The following PTPA variants were observed in gnomAD, a reference collection of about 807,000 sequenced individuals.
PTPA encodes the protein protein phosphatase 2 phosphatase activator.
PTPA carries 13 observed loss-of-function variants against 43.6 expected under a neutral mutation model. The ratio of observed to expected loss-of-function variants is 0.30; its 90% CI spans 0.19 to 0.47. The LOEUF is 0.47. Ranked by LOEUF, PTPA falls within the 20% of genes least tolerant of loss-of-function variation. The pLI is 0.99. For missense variants in PTPA, 329 were observed against 411.9 expected, an observed-to-expected ratio of 0.80 and a Z score of 1.74; for synonymous variants, 172 against 158.2, an observed-to-expected ratio of 1.09 and a Z score of -0.66.
At chr9:129,117,602 G>A (rs556935506) in intron 1 of PTPA, among the ~76,000 whole-genome samples, 6 of 150,368 alleles carry the variant, frequency 4.0e-5, no homozygotes, top group South Asian at 4.2e-4. Context: ...GTGGAATTTC[G>A]CTATGTTGGC....
chr9:129,112,756 A>G (rs914676647), intron 1 of PTPA, among the ~76,000 whole-genome samples: 2 of 152,202 alleles, frequency 1.3e-5, no homozygotes, highest in Admixed American at 1.3e-4. Context: ...AGCCTGACCA[A>G]CATGGAGAAA....
At chr9:129,125,214 C>T (rs1002700867) in intron 3 of PTPA, among the ~76,000 whole-genome samples, 2 of 151,836 alleles carry the variant, frequency 1.3e-5, no homozygotes, top group Non-Finnish European at 2.9e-5. Flanking sequence ...GCCAAGTCCC[C>T]TAATTGCCCG....
rs1233840469 is a variant in PTPA at position 129,142,469 on chromosome 9, C to T, written c.811C>T (p.His271Tyr). The change falls in exon 9 of 10, where the codon CAC (histidine) becomes TAC (tyrosine). Residue 271 changes from histidine to tyrosine, a missense_variant. By Grantham distance (83) the His-to-Tyr change is moderately conservative. Coordinates refer to ENST00000393370, the MANE Select transcript of PTPA (RefSeq NM_178000.3). Reference sequence around the variant, plus strand: ...GATGAAGACTGGCCCATTTGCAGAGCACTCCAACCAGCTGTGGAACATCAG... The same window carrying T: ...GATGAAGACTGGCCCATTTGCAGAGTACTCCAACCAGCTGTGGAACATCAG... ...TEMKTGPFAEHSNQLWNISAV... is the reference protein window; with the variant it reads ...TEMKTGPFAEYSNQLWNISAV... 1 of 1,596,878 alleles carries T rather than the reference C, an allele frequency of 6.3e-7. No homozygotes were observed.
intron 1 of PTPA, 120 bp downstream of exon 1, chr9:129,111,751 G>A (rs1261471506): frequency 4.8e-6 from 6 of 1,238,194 alleles, no homozygotes; most frequent in Non-Finnish European, 6.1e-6. Flanking sequence ...AAAGCTGAGG[G>A]GCCCCGAGGA....
At chr9:129,121,194 C>T (rs1262919178) in intron 2 of PTPA, among the ~76,000 whole-genome samples, 1 of 152,212 alleles carries the variant, frequency 6.6e-6, no homozygotes, top group Non-Finnish European at 1.5e-5. Context: ...TTCAATTTCT[C>T]AGGGAAGGCC....
intron 6 of PTPA, among the ~76,000 whole-genome samples, chr9:129,135,177 G>A (rs3118630): frequency 0.28 from 43,176 of 152,176 alleles, 6,165 homozygotes; most frequent in Admixed American, 0.33. Context: ...GGCGGATCAC[G>A]AGGTCAGGTG....
chr9:129,110,990 G>C (rs758463905), upstream of PTPA: 7 of 1,371,514 alleles, frequency 5.1e-6, no homozygotes, highest in Non-Finnish European at 1.9e-6. This position sits in a 1 kb window ranked among gnomAD's most constrained non-coding sequence, Gnocchi z 5.3. Context: ...TCACCGTCCA[G>C]CTGTCTCTCC....
rs199795059 is a variant in PTPA at position 129,122,046 on chromosome 9, A to G, written c.130-1006A>G. ...GAGGAAAAAGGGATGAAGAAGAAAC[A>G]AAACCAATCAGGAGTCACTTGTTCC... is the stretch of plus-strand genomic sequence containing the variant. On this transcript the variant is annotated intron_variant, in intron 2 of 9. Transcript: ENST00000393370. Among the ~76,000 whole-genome samples the G allele has an allele frequency of 3.9e-5, 6 of 152,198 alleles. No individual in the cohort carries two copies. In the East Asian group the frequency reaches 9.6e-4, roughly 24 times the overall value.
chr9:129,128,124 T>C, intron 3 of PTPA: 1 of 1,188,610 alleles, frequency 8.4e-7, no homozygotes, highest in South Asian at 1.3e-5. Flanking sequence ...TCAGAGTTAG[T>C]CACTTGCTCA....
At chr9:129,143,307 G>A (rs1851033900) in intron 9 of PTPA, 4 of 702,932 alleles carry the variant, frequency 5.7e-6, no homozygotes, top group Non-Finnish European at 7.8e-6. Flanking sequence ...CTTGGCCAGG[G>A]AAGGGCTGGA....
intron 1 of PTPA, 133 bp downstream of exon 1, chr9:129,111,764 G>T: frequency 8.1e-7 from 1 of 1,235,104 alleles, no homozygotes; most frequent in Non-Finnish European, 1.0e-6. Flanking sequence ...CCCGAGGAGG[G>T]ACTGAGTTGA....
At chr9:129,138,438 C>CGACT (rs2131607369) in intron 8 of PTPA, among the ~76,000 whole-genome samples, 1 of 152,324 alleles carries the variant, frequency 6.6e-6, no homozygotes, top group East Asian at 1.9e-4. Context: ...ACGTGCCAGG[C>CGACT]GACTGCACAG....
chr9:129,122,348 C>T (rs1445414355), intron 2 of PTPA, among the ~76,000 whole-genome samples: 1 of 152,166 alleles, frequency 6.6e-6, no homozygotes, highest in Non-Finnish European at 1.5e-5. Context: ...AGTGATCCTC[C>T]TGCATCAGCC....
rs1232524572 is a variant in PTPA at position 129,148,619 on chromosome 9, G to T, written c.*1155G>T. ...GGGCCACCGCCGAGGTTTCTCCTAG[G>T]GCTGTTCCTGGGCCTGGCTCTTACA... is the stretch of plus-strand genomic sequence containing the variant. On this transcript the variant is annotated 3_prime_UTR_variant, in exon 10 of 10. Transcript: ENST00000393370. 6.5e-6 allele frequency: 1 copy of T among 152,776 alleles called. No homozygotes were observed. Among genetic ancestry groups the T allele is most frequent in the Non-Finnish European group, 1.5e-5 (1 of 68,140 alleles). 9.5% of individuals were successfully genotyped at this position (152,776 alleles called of 1,614,324 possible).
chr9:129,111,706 G>A (rs1430693273), intron 1 of PTPA, 75 bp downstream of exon 1: 1 of 1,247,118 alleles, frequency 8.0e-7, no homozygotes, highest in Non-Finnish European at 1.0e-6. Flanking sequence ...GGCTCAGGAG[G>A]GCGAGAGTCA....
intron 9 of PTPA, 161 bp downstream of exon 9, chr9:129,142,713 C>T (rs1186349334): frequency 1.2e-5 from 18 of 1,540,404 alleles, no homozygotes; most frequent in Non-Finnish European, 9.6e-6. Flanking sequence ...GCCTCGGAAT[C>T]TCCCATCTGG....
intron 8 of PTPA, 116 bp from the exon 9 acceptor site, chr9:129,142,329 C>G: frequency 1.1e-6 from 1 of 887,752 alleles, no homozygotes; most frequent in East Asian, 2.6e-5. Flanking sequence ...GCATTGTGTG[C>G]GTGTGCGTTT....
chr9:129,112,547 G>C (rs61634353), intron 1 of PTPA, among the ~76,000 whole-genome samples: 2,940 of 152,278 alleles, frequency 0.019, 77 homozygotes, highest in African/African-American at 0.066. Flanking sequence ...TCCCCTCCAT[G>C]CCCCACAAAA....
At position 129,147,408 on chromosome 9, in the gene PTPA, A is replaced by G. The variant is rs566956865; in HGVS notation, c.916A>G (p.Ile306Val). 6.2e-7 allele frequency: 1 copy of G among 1,613,882 alleles called. No individual in the cohort carries two copies. Among genetic ancestry groups the G allele is most frequent in the African/African-American group, 1.3e-5 (1 of 74,996 alleles). ...ACAGTGCCTGGAGAAGTTCCCTGTGATCCAGCACTTCAAGTTCGGGAGCCT... is the reference window on the plus strand; with the variant it reads ...ACAGTGCCTGGAGAAGTTCCCTGTGGTCCAGCACTTCAAGTTCGGGAGCCT... Reference protein sequence around the residue: ...KAECLEKFPVIQHFKFGSLLP... With the variant: ...KAECLEKFPVVQHFKFGSLLP... Residue 306 changes from isoleucine (I) to valine (V), a missense_variant, in exon 10 of 10, where the codon ATC becomes GTC. Transcript: ENST00000393370.
Sources: allele counts gnomAD v4.1 joint callset (sites outside exome capture counted in the v4.1 genomes callset), GRCh38; gene constraint gnomAD v4.1.1; non-coding constraint Gnocchi (gnomAD v3.1); transcripts MANE v1.5; gene names NCBI Gene and HGNC (gene_info 2026-07-23, HGNC 2026-07-21).